Variants in TAOK3 observed in about 807,000 individuals in gnomAD.
TAOK3 encodes serine/threonine-protein kinase TAO3.
TAOK3 carries 40 observed loss-of-function variants against 120.4 expected under a neutral mutation model. The observed-to-expected ratio is 0.33, with a 90% CI of 0.26 to 0.43. The LOEUF is 0.43. Ranked by LOEUF, TAOK3 falls within the 20% of genes least tolerant of loss-of-function variation. The pLI is 1.00. For synonymous variants in TAOK3, 355 were observed against 387.5 expected (o/e 0.92, Z 0.99); for missense variants, 821 against 1,112.1 (o/e 0.74, Z 3.72).
At chr12:118,255,678 A>T in intron 2 of TAOK3, 23 bp from the exon 3 acceptor site, 1 of 1,168,658 alleles carries the variant, frequency 8.6e-7, no homozygotes, top group South Asian at 1.7e-5. Flanking sequence ...AAGGTTTGCC[A>T]TTAAATTATT....
In TAOK3 at chr12:118,337,029, C is replaced by T. The variant is rs183807539; in HGVS notation, c.-194+35619G>A. Among the ~76,000 whole-genome samples, 298 of 152,180 alleles carry T rather than the reference C, an allele frequency of 2.0e-3. 4 individuals are homozygous for T. In the East Asian group the frequency reaches 0.045, roughly 23 times the overall value. On this transcript the variant is annotated intron_variant, in intron 1 of 20. Coordinates refer to ENST00000392533, the MANE Select transcript of TAOK3 (RefSeq NM_016281.4). ...GAGCTAAGATTGCACCACTGCACTC[C>T]AGCCTGGGCAACAGAAGGAGACTCT...
chr12:118,356,427 G>C (rs187058684), intron 1 of TAOK3, among the ~76,000 whole-genome samples: 27 of 151,178 alleles, frequency 1.8e-4, no homozygotes, highest in African/African-American at 6.3e-4. Context: ...AGCCTTCCGA[G>C]TAACTGGGAT....
intron 11 of TAOK3, among the ~76,000 whole-genome samples, chr12:118,205,584 A>T (rs1450146416): frequency 6.6e-6 from 1 of 152,050 alleles, no homozygotes; most frequent in Admixed American, 6.6e-5. Flanking sequence ...CATTCATTGC[A>T]ACAGATACTA....
chr12:118,169,650 T>C (rs965976113), intron 17 of TAOK3, among the ~76,000 whole-genome samples: 1 of 151,806 alleles, frequency 6.6e-6, no homozygotes, highest in African/African-American at 2.4e-5. Flanking sequence ...TAATCTCTTC[T>C]CTGTTTCTAC....
chr12:118,206,744 G>A (rs2038336848), intron 11 of TAOK3, among the ~76,000 whole-genome samples: 1 of 151,886 alleles, frequency 6.6e-6, no homozygotes, highest in African/African-American at 2.4e-5. Context: ...TTACAGGCAT[G>A]CACCACCATT....
chr12:118,208,837 G>A (rs1394878509), intron 11 of TAOK3, among the ~76,000 whole-genome samples: 3 of 151,962 alleles, frequency 2.0e-5, no homozygotes, highest in Admixed American at 6.6e-5. Context: ...TCAGCTTCCC[G>A]AGTAGCTGGG....
intron 1 of TAOK3, among the ~76,000 whole-genome samples, chr12:118,292,138 A>C (rs1285535078): frequency 6.6e-6 from 1 of 152,118 alleles, no homozygotes; most frequent in African/African-American, 2.4e-5. Flanking sequence ...CTGCTATACA[A>C]TATTTTTTCC....
intron 1 of TAOK3, among the ~76,000 whole-genome samples, chr12:118,270,824 G>A (rs1008818739): frequency 7.2e-5 from 11 of 151,838 alleles, no homozygotes; most frequent in Non-Finnish European, 1.3e-4. Flanking sequence ...ACAGGCGCCC[G>A]CCACCACGCC....
intron 17 of TAOK3, among the ~76,000 whole-genome samples, chr12:118,169,005 CTTT>C (rs2035807265): frequency 2.3e-5 from 3 of 129,404 alleles, no homozygotes; most frequent in African/African-American, 8.1e-5. Context: ...TCCTTCCTTT[CTTT>C]CTTTCTTTCT....
At chr12:118,182,623 A>ATATATATATATATATATATATATAT (rs371125415) in intron 14 of TAOK3, among the ~76,000 whole-genome samples, 4 of 92,390 alleles carry the variant, frequency 4.3e-5, no homozygotes, top group African/African-American at 9.9e-5. Context: ...ATATATATAT[A>ATATATATATATATATATATATATAT]TTTTTTTTTT....
intron 1 of TAOK3, among the ~76,000 whole-genome samples, chr12:118,314,476 T>C (rs2140885686): frequency 6.6e-6 from 1 of 152,314 alleles, no homozygotes; most frequent in East Asian, 1.9e-4. Context: ...ATCCTGAACT[T>C]AACTTTTGGA....
rs75898652 is a variant in TAOK3, at chr12:118,320,925, A to C, written c.-194+51723T>G. On this transcript the variant is annotated intron_variant, in intron 1 of 20. Transcript: ENST00000392533. Reference sequence around the variant, plus strand: ...ATTGGTACAATTACACACTTTACTAATGTGTAGCTAATATAACAAGAAGCA... The same window carrying C: ...ATTGGTACAATTACACACTTTACTACTGTGTAGCTAATATAACAAGAAGCA... Among the ~76,000 whole-genome samples, 1,225 of 152,314 alleles carry C rather than the reference A, an allele frequency of 8.0e-3. 15 individuals are homozygous for C. The highest frequency in any genetic ancestry group is 0.011 in the Non-Finnish European group (739 of 68,026).
At chr12:118,335,333 G>T (rs2044323508) in intron 1 of TAOK3, among the ~76,000 whole-genome samples, 1 of 151,980 alleles carries the variant, frequency 6.6e-6, no homozygotes, top group African/African-American at 2.4e-5. Flanking sequence ...GGATAGTAGG[G>T]GAATACTATG....
At chr12:118,324,835 C>T (rs2043867064) in intron 1 of TAOK3, among the ~76,000 whole-genome samples, 1 of 148,550 alleles carries the variant, frequency 6.7e-6, no homozygotes, top group Admixed American at 6.8e-5. Flanking sequence ...ATTTCTGCCT[C>T]CCGGGTTCAC....
intron 17 of TAOK3, among the ~76,000 whole-genome samples, chr12:118,167,150 G>A (rs1389762025): frequency 6.6e-6 from 1 of 152,094 alleles, no homozygotes; most frequent in African/African-American, 2.4e-5. Flanking sequence ...AATGCTGAGT[G>A]TCTGTGTGTG....
intron 1 of TAOK3, among the ~76,000 whole-genome samples, chr12:118,300,432 C>A (rs1490496696): frequency 6.6e-6 from 1 of 152,146 alleles, no homozygotes; most frequent in Non-Finnish European, 1.5e-5. Context: ...TTCTGACAGA[C>A]TCTGTTTGTG....
chr12:118,352,965 C>T lies in TAOK3; in HGVS notation c.-194+19683G>A, dbSNP rs570568624. ...CCTCAGGTGATCCATTTACCTTGAC[C>T]TCCCAAAGTGTTGGGATTACAGGAG... On this transcript the variant is annotated intron_variant, in intron 1 of 20. Transcript: ENST00000392533. Among the ~76,000 whole-genome samples the T allele has an allele frequency of 1.6e-4, 25 of 152,296 alleles. 1 individual carries two copies. The South Asian group carries it at 3.1e-3, about 19-fold the overall frequency.
At chr12:118,345,321 C>T (rs543032750) in intron 1 of TAOK3, among the ~76,000 whole-genome samples, 1 of 152,180 alleles carries the variant, frequency 6.6e-6, no homozygotes, top group South Asian at 2.1e-4. Flanking sequence ...CTGTAATAAC[C>T]GGTTACTTTG....
At position 118,240,639 on chromosome 12, in the gene TAOK3, T is replaced by C. The variant is rs544961415; in HGVS notation, c.295-1367A>G. On this transcript the variant is annotated intron_variant, in intron 5 of 20. Coordinates refer to ENST00000392533, the MANE Select transcript of TAOK3 (RefSeq NM_016281.4). ...GATTACAGGCATAAGCCACTGCACCTGGCCCTTCTTATCCTAGATTTTTAG... is the reference window on the plus strand; with the variant it reads ...GATTACAGGCATAAGCCACTGCACCCGGCCCTTCTTATCCTAGATTTTTAG... Among the ~76,000 whole-genome samples, 6 of 152,250 alleles carry C rather than the reference T, an allele frequency of 3.9e-5. No homozygotes were observed. In the South Asian group the frequency reaches 1.2e-3, roughly 32 times the overall value.
Sources: gnomAD v4.1 joint callset for allele counts (sites outside exome capture counted in the v4.1 genomes callset) on GRCh38, gnomAD v4.1.1 for gene constraint, MANE v1.5 for transcripts, NCBI Gene and HGNC (gene_info 2026-07-23, HGNC 2026-07-21) for gene names.